The following LURAP1L variants were observed in gnomAD, a reference collection of about 807,000 sequenced individuals.
LURAP1L encodes the protein leucine rich adaptor protein 1-like.
In LURAP1L, 12 loss-of-function variants were observed where a neutral mutation model predicts 13.8. The ratio of observed to expected loss-of-function variants is 0.87; its 90% confidence interval spans 0.56 to 1.41. LURAP1L has a LOEUF of 1.41. Ranked by LOEUF, LURAP1L falls within the 40% of genes most tolerant of loss-of-function variation. LURAP1L has a pLI of 0.00. For missense variants in LURAP1L, 375 were observed against 292.9 expected (o/e 1.28, Z -2.04); for synonymous variants, 139 against 119.2 (o/e 1.17, Z -1.08).
chr9:12,805,484 C>G (rs113465199), intron 1 of LURAP1L, among the ~76,000 whole-genome samples: 3,306 of 152,142 alleles, frequency 0.022, 124 homozygotes, highest in African/African-American at 0.076. Flanking sequence ...AATTCAGTTC[C>G]ACAACCTCAA....
chr9:12,791,813 A>G (rs2118491958), intron 1 of LURAP1L, among the ~76,000 whole-genome samples: 1 of 152,214 alleles, frequency 6.6e-6, no homozygotes, highest in African/African-American at 2.4e-5. Flanking sequence ...CCAAAAGAAC[A>G]GTTGTGGGGC....
At chr9:12,792,840 T>C (rs1469890878) in intron 1 of LURAP1L, among the ~76,000 whole-genome samples, 1 of 152,074 alleles carries the variant, frequency 6.6e-6, no homozygotes, top group Admixed American at 6.6e-5. Context: ...TTACCATTTA[T>C]ATTTGTGCTT....
At chr9:12,806,089 C>G (rs2118524866) in intron 1 of LURAP1L, among the ~76,000 whole-genome samples, 1 of 152,300 alleles carries the variant, frequency 6.6e-6, no homozygotes, top group Admixed American at 6.5e-5. Context: ...GGTGAACACA[C>G]TATGCACCTT....
intron 1 of LURAP1L, among the ~76,000 whole-genome samples, chr9:12,807,198 G>T (rs1819672272): frequency 7.4e-6 from 1 of 135,494 alleles, no homozygotes; most frequent in African/African-American, 2.8e-5. Context: ...CCCGGGAGGC[G>T]CAGCTTGCAG....
At chr9:12,786,907 G>A (rs141984168) in intron 1 of LURAP1L, among the ~76,000 whole-genome samples, 1 of 151,848 alleles carries the variant, frequency 6.6e-6, no homozygotes, top group African/African-American at 2.4e-5. Flanking sequence ...CTTGTCTCCT[G>A]ATACAATTGG....
At chr9:12,784,857 A>G (rs1819327990) in intron 1 of LURAP1L, among the ~76,000 whole-genome samples, 1 of 149,020 alleles carries the variant, frequency 6.7e-6, no homozygotes, top group African/African-American at 2.5e-5. Context: ...AACTTTAGGA[A>G]TCTAGAATCT....
chr9:12,780,316 A>G, intron 1 of LURAP1L, among the ~76,000 whole-genome samples: 1 of 152,162 alleles, frequency 6.6e-6, no homozygotes, highest in South Asian at 2.1e-4. Flanking sequence ...GTGTGGTTGA[A>G]AACACATCCA....
chr9:12,788,902 T>A (rs1371483810), intron 1 of LURAP1L, among the ~76,000 whole-genome samples: 1 of 150,302 alleles, frequency 6.7e-6, no homozygotes, highest in Admixed American at 6.6e-5. Context: ...TATCTATATA[T>A]ATATATATAT....
At chr9:12,818,097 T>C (rs1012244517) in intron 1 of LURAP1L, among the ~76,000 whole-genome samples, 1 of 147,002 alleles carries the variant, frequency 6.8e-6, no homozygotes, top group African/African-American at 2.5e-5. Context: ...TCCCCAACAG[T>C]AGTTCAATGG....
intron 1 of LURAP1L, among the ~76,000 whole-genome samples, chr9:12,787,082 C>T (rs79931912): frequency 1.3e-5 from 2 of 151,980 alleles, no homozygotes; most frequent in African/African-American, 4.8e-5. Flanking sequence ...CATATTATTG[C>T]TAAAACATGC....
At chr9:12,819,249 CAA>C (rs2118554048) in intron 1 of LURAP1L, among the ~76,000 whole-genome samples, 1 of 152,250 alleles carries the variant, frequency 6.6e-6, no homozygotes, top group South Asian at 2.1e-4. Context: ...TGAAGTGACT[CAA>C]GTCACTTCAG....
chr9:12,777,977 C>G (rs1490200111), intron 1 of LURAP1L, among the ~76,000 whole-genome samples: 1 of 152,114 alleles, frequency 6.6e-6, no homozygotes, highest in East Asian at 1.9e-4. Context: ...ACCACAACTA[C>G]TTTTGCACCA....
At chr9:12,804,003 A>G (rs1819621802) in intron 1 of LURAP1L, among the ~76,000 whole-genome samples, 1 of 152,234 alleles carries the variant, frequency 6.6e-6, no homozygotes, top group South Asian at 2.1e-4. Flanking sequence ...GAGCAAATCT[A>G]TTATTTCCTC....
rs955602466 is a variant in LURAP1L at position 12,797,741 on chromosome 9, CAAAT to C, written c.312+21718_312+21721del. Among the ~76,000 whole-genome samples, 29 of 152,136 alleles carry C rather than the reference CAAAT, an allele frequency of 1.9e-4. No homozygotes were observed. In the Middle Eastern group the frequency reaches 0.024, roughly 128 times the overall value. On this transcript the variant is annotated intron_variant, in intron 1 of 1. Transcript: ENST00000319264. ...CATACTTGCTTTAATAGAGAAATAT[CAAAT>C]AAACCCAACAGAGCTTTTTTAACAA... is the stretch of plus-strand genomic sequence containing the variant.
At chr9:12,804,079 G>A (rs1425320873) in intron 1 of LURAP1L, among the ~76,000 whole-genome samples, 6 of 152,120 alleles carry the variant, frequency 3.9e-5, no homozygotes, top group African/African-American at 1.4e-4. Context: ...ATTAAATTAT[G>A]TATTTAATAA....
At chr9:12,786,540 T>G (rs560447606) in intron 1 of LURAP1L, among the ~76,000 whole-genome samples, 1 of 38,684 alleles carries the variant, frequency 2.6e-5, no homozygotes, top group Non-Finnish European at 4.7e-5. Flanking sequence ...AACATGTATA[T>G]ATATGACATA....
chr9:12,794,788 G>T (rs762992482), intron 1 of LURAP1L, among the ~76,000 whole-genome samples: 9 of 151,590 alleles, frequency 5.9e-5, no homozygotes, highest in East Asian at 3.9e-4. Context: ...CCCCATCTCT[G>T]CTTGTAGAAG....
intron 1 of LURAP1L, among the ~76,000 whole-genome samples, chr9:12,797,186 G>C (rs1474240823): frequency 6.6e-6 from 1 of 151,826 alleles, no homozygotes; most frequent in African/African-American, 2.4e-5. Flanking sequence ...CTATTTCTGT[G>C]ATCCACCAAG....
rs12685191 is a variant in LURAP1L at position 12,782,075 on chromosome 9, G to C, written c.312+6048G>C. ...ATGTCTTTTGAGAAATGTCTATTCA[G>C]ATCTTTTGTCTATTTTTTAATCAGA... On this transcript the variant is annotated intron_variant, in intron 1 of 1. Coordinates refer to ENST00000319264, the MANE Select transcript of LURAP1L (RefSeq NM_203403.2). Among the ~76,000 whole-genome samples, 15 of 152,264 alleles carry C rather than the reference G, an allele frequency of 9.9e-5. No homozygotes were observed. The East Asian group carries it at 2.7e-3, about 27-fold the overall frequency.
Sources: gnomAD v4.1 joint callset for allele counts (sites outside exome capture counted in the v4.1 genomes callset) on GRCh38, gnomAD v4.1.1 for gene constraint, MANE v1.5 for transcripts, NCBI Gene and HGNC (gene_info 2026-07-23, HGNC 2026-07-21) for gene names.